The following CNTNAP2 variants were observed in gnomAD, a reference collection of about 807,000 sequenced individuals.
The protein encoded by CNTNAP2 is contactin-associated protein-like 2.
Under a neutral mutation model 155.2 loss-of-function variants are expected in CNTNAP2, and 98 were observed. The ratio of observed to expected loss-of-function variants is 0.63; its 90% confidence interval spans 0.54 to 0.75. The LOEUF (loss-of-function observed/expected upper bound fraction) is 0.75, where lower values mean the gene tolerates loss of function less well. Ranked by LOEUF, CNTNAP2 falls within the 30% of genes least tolerant of loss-of-function variation. CNTNAP2 has a pLI of 0.00. For synonymous variants in CNTNAP2, 651 were observed against 631.2 expected (o/e 1.03, Z -0.47); for missense variants, 1,727 against 1,688.1 (o/e 1.02, Z -0.40).
chr7:148,382,182 C>T (rs1180093450), intron 21 of CNTNAP2, among the ~76,000 whole-genome samples: 2 of 152,244 alleles, frequency 1.3e-5, no homozygotes, highest in Non-Finnish European at 2.9e-5. Flanking sequence ...CTTCTGGCTG[C>T]TCAGTGGACG....
intron 17 of CNTNAP2, among the ~76,000 whole-genome samples, chr7:148,170,120 G>A (rs1010488180): frequency 2.6e-5 from 4 of 152,174 alleles, no homozygotes; most frequent in East Asian, 3.9e-4. Flanking sequence ...TCTGAGTAGC[G>A]TAACAGAATC....
intron 14 of CNTNAP2, among the ~76,000 whole-genome samples, chr7:147,951,244 G>A (rs565434110): frequency 1.3e-5 from 2 of 152,176 alleles, no homozygotes; most frequent in Admixed American, 6.5e-5. Context: ...ATTTAAACAG[G>A]TTCCTAAAGA....
chr7:146,151,670 A>ATATATG (rs1562969018), intron 1 of CNTNAP2, among the ~76,000 whole-genome samples: 2 of 37,914 alleles, frequency 5.3e-5, no homozygotes, highest in Non-Finnish European at 1.0e-4. Context: ...ATATATATAT[A>ATATATG]TATATATATA....
intron 3 of CNTNAP2, among the ~76,000 whole-genome samples, chr7:147,021,756 A>T (rs1423352802): frequency 1.3e-5 from 2 of 152,148 alleles, no homozygotes; most frequent in Non-Finnish European, 2.9e-5. Flanking sequence ...GTTATTTCCA[A>T]ATGTTGCCTC....
At chr7:147,966,377 G>A (rs1426784780) in intron 14 of CNTNAP2, among the ~76,000 whole-genome samples, 2 of 152,090 alleles carry the variant, frequency 1.3e-5, no homozygotes, top group African/African-American at 4.8e-5. Context: ...GGAGTGGAGA[G>A]TCCGATTATT....
intron 3 of CNTNAP2, among the ~76,000 whole-genome samples, chr7:146,899,629 C>T (rs1795951842): frequency 6.6e-6 from 1 of 152,142 alleles, no homozygotes; most frequent in Non-Finnish European, 1.5e-5. Context: ...TAGTTGAGTT[C>T]TGCTCAAACC....
At chr7:146,889,026 A>C (rs1465211602) in intron 3 of CNTNAP2, among the ~76,000 whole-genome samples, 1 of 152,098 alleles carries the variant, frequency 6.6e-6, no homozygotes, top group Non-Finnish European at 1.5e-5. Flanking sequence ...CACACACAGA[A>C]AATAATAGAG....
At chr7:146,169,057 A>G (rs779103790) in intron 1 of CNTNAP2, among the ~76,000 whole-genome samples, 1 of 152,104 alleles carries the variant, frequency 6.6e-6, no homozygotes. Context: ...TCATCTTCCA[A>G]ATATCCTCAT....
chr7:146,130,045 T>G (rs1045180142), intron 1 of CNTNAP2, among the ~76,000 whole-genome samples: 2 of 152,208 alleles, frequency 1.3e-5, no homozygotes, highest in African/African-American at 4.8e-5. Flanking sequence ...GATGAGGAGA[T>G]ATTTAGTGGT....
At chr7:147,379,484 G>T (rs567373641) in intron 9 of CNTNAP2, among the ~76,000 whole-genome samples, 90 of 152,094 alleles carry the variant, frequency 5.9e-4, no homozygotes, top group Middle Eastern at 3.4e-3. Context: ...CCAGAGAGGG[G>T]TTACACTTTA....
At chr7:147,748,330 G>T (rs1797078967) in intron 13 of CNTNAP2, among the ~76,000 whole-genome samples, 1 of 150,208 alleles carries the variant, frequency 6.7e-6, no homozygotes, top group African/African-American at 2.4e-5. Context: ...AGTTAAAATT[G>T]TTTTTTTTTC....
At chr7:146,693,798 C>A (rs1051344440) in intron 1 of CNTNAP2, among the ~76,000 whole-genome samples, 1 of 151,964 alleles carries the variant, frequency 6.6e-6, no homozygotes, top group Non-Finnish European at 1.5e-5. Context: ...AAACGTGTGC[C>A]ATGGTGGTTT....
At chr7:146,467,875 A>G (rs1445197964) in intron 1 of CNTNAP2, among the ~76,000 whole-genome samples, 3 of 152,192 alleles carry the variant, frequency 2.0e-5, no homozygotes, top group Admixed American at 6.5e-5. Context: ...GAATAGTGTG[A>G]GAGCAATATT....
chr7:146,635,499 A>G (rs1480046497), intron 1 of CNTNAP2, among the ~76,000 whole-genome samples: 4 of 152,198 alleles, frequency 2.6e-5, no homozygotes, highest in African/African-American at 7.2e-5. Context: ...GGGGTAGTCA[A>G]TCGCCTCAGA....
At chr7:147,664,997 T>A (rs952658109) in intron 13 of CNTNAP2, among the ~76,000 whole-genome samples, 4 of 152,200 alleles carry the variant, frequency 2.6e-5, no homozygotes, top group African/African-American at 9.7e-5. Flanking sequence ...TTGATTAAAG[T>A]ATAATATTTA....
At chr7:148,139,637 T>C (rs1456365005) in intron 16 of CNTNAP2, among the ~76,000 whole-genome samples, 2 of 152,026 alleles carry the variant, frequency 1.3e-5, no homozygotes, top group Admixed American at 1.3e-4. Flanking sequence ...GCCTCCTGGG[T>C]CAAGTGATTC....
chr7:146,506,544 G>A (rs1297620910), intron 1 of CNTNAP2, among the ~76,000 whole-genome samples: 8 of 152,208 alleles, frequency 5.3e-5, no homozygotes, highest in Non-Finnish European at 1.0e-4. Flanking sequence ...GCCCAGGGCA[G>A]TGAAAGGCAC....
At chr7:147,890,956 C>T (rs1191951906) in intron 13 of CNTNAP2, among the ~76,000 whole-genome samples, 3 of 152,102 alleles carry the variant, frequency 2.0e-5, no homozygotes, top group Admixed American at 6.6e-5. Flanking sequence ...ATGATAAGTA[C>T]GTGAGGTAAT....
Position 146,168,359 on chromosome 7 carries a change from A to G in CNTNAP2, c.97+51386A>G, listed in dbSNP as rs895010539. Among the ~76,000 whole-genome samples, 12 of 152,152 alleles carry G rather than the reference A, an allele frequency of 7.9e-5. 1 individual carries two copies. Among genetic ancestry groups the G allele is most frequent in the Non-Finnish European group, 1.5e-4 (10 of 68,026 alleles). On this transcript the variant is annotated intron_variant, in intron 1 of 23. Transcript: ENST00000361727. ...ATAATGTAAGGACTCAATATTAACCATCACAGTCATGTATTATATATGAAG... is the reference window on the plus strand; with the variant it reads ...ATAATGTAAGGACTCAATATTAACCGTCACAGTCATGTATTATATATGAAG...
Sources: allele counts gnomAD v4.1 joint callset (sites outside exome capture counted in the v4.1 genomes callset), GRCh38; gene constraint gnomAD v4.1.1; transcripts MANE v1.5; gene names NCBI Gene and HGNC (gene_info 2026-07-23, HGNC 2026-07-21).